DENND1A: variants seen among roughly 807,000 people sequenced by gnomAD.
DENND1A encodes DENN domain-containing protein 1A.
In DENND1A, 51 loss-of-function variants were observed where a neutral mutation model predicts 113.7. That is an observed-to-expected ratio of 0.45 (90% CI 0.36 to 0.57). DENND1A has a LOEUF of 0.57. Ranked by LOEUF, DENND1A falls within the 20% of genes least tolerant of loss-of-function variation. The pLI is 0.00. For missense variants in DENND1A, 1,258 were observed against 1,395.9 expected (o/e 0.90, Z 1.57); for synonymous variants, 565 against 570.8 (o/e 0.99, Z 0.14).
At chr9:123,683,544 T>C (rs529505773) in intron 5 of DENND1A, among the ~76,000 whole-genome samples, 3 of 152,340 alleles carry the variant, frequency 2.0e-5, no homozygotes, top group Non-Finnish European at 4.4e-5. Context: ...GGTAAATTTA[T>C]ACTTTTTTAT....
At chr9:123,510,717 C>A (rs79164106) in intron 13 of DENND1A, among the ~76,000 whole-genome samples, 1 of 152,196 alleles carries the variant, frequency 6.6e-6, no homozygotes, top group Non-Finnish European at 1.5e-5. Context: ...GCCAAAGGTA[C>A]CCACTGCTTC....
At chr9:123,843,497 C>T in intron 2 of DENND1A, 2 of 277,092 alleles carry the variant, frequency 7.2e-6, no homozygotes, top group South Asian at 8.1e-5. Flanking sequence ...GTCTCCAGAT[C>T]ATTACAATTT....
chr9:123,721,307 C>T (rs968515972), intron 5 of DENND1A, among the ~76,000 whole-genome samples: 1 of 152,214 alleles, frequency 6.6e-6, no homozygotes, highest in Non-Finnish European at 1.5e-5. Flanking sequence ...CTGCCATTCT[C>T]CTCTGCTCCA....
chr9:123,679,592 A>G (rs1161700496), intron 5 of DENND1A, among the ~76,000 whole-genome samples: 1 of 152,214 alleles, frequency 6.6e-6, no homozygotes, highest in Non-Finnish European at 1.5e-5. Flanking sequence ...GGCAGTGTTA[A>G]GGTTTTGAAA....
chr9:123,623,558 A>C (rs892293512), intron 10 of DENND1A, among the ~76,000 whole-genome samples: 10 of 152,094 alleles, frequency 6.6e-5, no homozygotes, highest in Admixed American at 1.3e-4. Context: ...AAGGGACACA[A>C]AAAAAAATAA....
chr9:123,385,429 C>T (rs1332875232), intron 22 of DENND1A, among the ~76,000 whole-genome samples: 3 of 152,240 alleles, frequency 2.0e-5, no homozygotes, highest in African/African-American at 7.2e-5. Context: ...TCCCAAAGTG[C>T]TGAGATTACA....
At chr9:123,641,998 A>G (rs2062054647) in intron 9 of DENND1A, among the ~76,000 whole-genome samples, 1 of 152,212 alleles carries the variant, frequency 6.6e-6, no homozygotes. Context: ...AAAGTGCTTG[A>G]TGTTTGTTGA....
chr9:123,415,162 C>T (rs185468185), intron 19 of DENND1A, among the ~76,000 whole-genome samples: 2 of 152,170 alleles, frequency 1.3e-5, no homozygotes. Flanking sequence ...TACAGATGTC[C>T]TGGCGCACCC....
At chr9:123,694,583 T>C (rs930891631) in intron 5 of DENND1A, among the ~76,000 whole-genome samples, 2 of 152,212 alleles carry the variant, frequency 1.3e-5, no homozygotes, top group Non-Finnish European at 2.9e-5. Flanking sequence ...CCTTTCCTCT[T>C]TTGCCCTATC....
At chr9:123,402,245 C>G (rs2043534732) in intron 21 of DENND1A, among the ~76,000 whole-genome samples, 1 of 84,720 alleles carries the variant, frequency 1.2e-5, no homozygotes, top group Non-Finnish European at 2.5e-5. Context: ...CACACGTGCA[C>G]ACACACACAC....
At chr9:123,848,918 C>T (rs935451935) in intron 2 of DENND1A, among the ~76,000 whole-genome samples, 8 of 152,188 alleles carry the variant, frequency 5.3e-5, no homozygotes, top group African/African-American at 1.9e-4. Flanking sequence ...CTCTTCAATT[C>T]TATGAAGGCT....
At chr9:123,804,001 G>C (rs988207910) in intron 2 of DENND1A, among the ~76,000 whole-genome samples, 1 of 152,170 alleles carries the variant, frequency 6.6e-6, no homozygotes, top group African/African-American at 2.4e-5. Flanking sequence ...ACCCATGATT[G>C]CTTCTTCCTT....
intron 3 of DENND1A, among the ~76,000 whole-genome samples, chr9:123,786,641 CA>C (rs1471417073): frequency 6.6e-6 from 1 of 152,176 alleles, no homozygotes; most frequent in African/African-American, 2.4e-5. Flanking sequence ...TTTCTGCTGC[CA>C]AACACAGATA....
intron 9 of DENND1A, among the ~76,000 whole-genome samples, chr9:123,639,515 G>A (rs866448909): frequency 7.1e-6 from 1 of 141,240 alleles, no homozygotes; most frequent in Non-Finnish European, 1.5e-5. Flanking sequence ...CCACACTCAC[G>A]CCTGTAATCC....
chr9:123,413,628 T>C, intron 19 of DENND1A: 1 of 985,524 alleles, frequency 1.0e-6, no homozygotes, highest in Non-Finnish European at 1.2e-6. Context: ...TGGCGGCACA[T>C]GGAGAACACG....
rs1829385506 is a variant in DENND1A at position 123,769,559 on chromosome 9, A to G, written c.137T>C (p.Val46Ala). ...ACAAAACTTGGTCAAAGTCTGTAGA[A>G]CTTCCTGTGGAGAGAAAGAGAGATA... ...QFPEDYSDQEVLQTLTKFCFP... is the reference protein window; with the variant it reads ...QFPEDYSDQEALQTLTKFCFP... The change falls in exon 4 of 24, where the codon GTT (valine) becomes GCT (alanine). Residue 46 changes from valine (V) to alanine (A), a missense_variant. Around this residue, in one of 2 missense-constraint regions of DENND1A, gnomAD observed 99 missense variants for 164.2 expected, o/e 0.60. Coordinates refer to ENST00000394215, the MANE Select transcript of DENND1A (RefSeq NM_001352964.2). 6.2e-7 allele frequency: 1 copy of G among 1,609,352 alleles called. No homozygotes were observed. Among genetic ancestry groups the G allele is most frequent in the Admixed American group, 1.7e-5 (1 of 59,058 alleles).
chr9:123,490,416 T>A (rs142543397), intron 13 of DENND1A, among the ~76,000 whole-genome samples: 7,783 of 151,994 alleles, frequency 0.051, 642 homozygotes, highest in African/African-American at 0.18. Flanking sequence ...TAAAACCCCA[T>A]CTCTACTAAA....
intron 13 of DENND1A, among the ~76,000 whole-genome samples, chr9:123,466,117 G>T (rs988221576): frequency 5.9e-5 from 9 of 152,076 alleles, no homozygotes; most frequent in African/African-American, 2.2e-4. Context: ...TCCTGCCTCA[G>T]CCTCCTGAGT....
At chr9:123,415,209 G>T (rs1257243415) in intron 19 of DENND1A, among the ~76,000 whole-genome samples, 1 of 152,152 alleles carries the variant, frequency 6.6e-6, no homozygotes, top group Non-Finnish European at 1.5e-5. Context: ...CCAAGAACAG[G>T]AAGCCACATT....
Sources: gnomAD v4.1 joint callset for allele counts (sites outside exome capture counted in the v4.1 genomes callset) on GRCh38, gnomAD v4.1.1 for gene constraint, gnomAD v4.1.1 regional missense constraint, MANE v1.5 for transcripts, NCBI Gene and HGNC (gene_info 2026-07-23, HGNC 2026-07-21) for gene names.